MYO5B: variants seen among roughly 807,000 people sequenced by gnomAD.
MYO5B encodes unconventional myosin-Vb.
A neutral mutation model predicts 229.3 loss-of-function variants in MYO5B; 143 were observed. That is an observed-to-expected ratio of 0.62 (90% CI 0.54 to 0.72). The LOEUF is 0.72. Among genes scored for constraint, MYO5B ranks in the 30% least tolerant of loss-of-function variants. MYO5B has a pLI of 0.00. For missense variants in MYO5B, 2,321 were observed against 2,331.0 expected (o/e 1.00, Z 0.09); for synonymous variants, 918 against 885.2 (o/e 1.04, Z -0.66).
At chr18:49,847,536 C>T (rs553323510) in intron 32 of MYO5B, among the ~76,000 whole-genome samples, 1 of 152,336 alleles carries the variant, frequency 6.6e-6, no homozygotes, top group East Asian at 1.9e-4. Context: ...GCACTGGGGT[C>T]CACACTCTGG....
intron 35 of MYO5B, 30 bp downstream of exon 35, chr18:49,841,335 T>G: frequency 6.2e-7 from 1 of 1,600,370 alleles, no homozygotes. Context: ...GAAGCAGGAA[T>G]GCCTCCTGGG....
intron 14 of MYO5B, among the ~76,000 whole-genome samples, chr18:49,944,943 C>A (rs998134180): frequency 2.0e-5 from 3 of 152,188 alleles, no homozygotes; most frequent in Admixed American, 6.5e-5. Flanking sequence ...CAGTGCTTGT[C>A]AAGTCCAATG....
intron 39 of MYO5B, among the ~76,000 whole-genome samples, chr18:49,827,150 A>G (rs1293946005): frequency 2.0e-5 from 3 of 152,186 alleles, no homozygotes; most frequent in Non-Finnish European, 4.4e-5. Flanking sequence ...CAACTATCTC[A>G]TAACTCTGGA....
intron 1 of MYO5B, among the ~76,000 whole-genome samples, chr18:50,089,122 G>T (rs1157409208): frequency 6.6e-6 from 1 of 152,176 alleles, no homozygotes; most frequent in African/African-American, 2.4e-5. Flanking sequence ...GCTCACACCT[G>T]TAAGCCCAGC....
intron 1 of MYO5B, among the ~76,000 whole-genome samples, chr18:50,079,100 A>C (rs1411903468): frequency 6.6e-6 from 1 of 152,256 alleles, no homozygotes; most frequent in Non-Finnish European, 1.5e-5. Context: ...CACACAAAGG[A>C]AACTTCTGGG....
At chr18:49,928,129 G>GA (rs2025150264) in intron 17 of MYO5B, among the ~76,000 whole-genome samples, 1 of 152,098 alleles carries the variant, frequency 6.6e-6, no homozygotes, top group Admixed American at 6.5e-5. Context: ...ACAAACATGT[G>GA]AAAAAATGCT....
chr18:50,127,693 A>C (rs941861754), intron 1 of MYO5B, among the ~76,000 whole-genome samples: 3 of 152,174 alleles, frequency 2.0e-5, no homozygotes, highest in African/African-American at 7.2e-5. Flanking sequence ...GGGATGATCA[A>C]TTTTATGTGT....
intron 10 of MYO5B, among the ~76,000 whole-genome samples, chr18:49,966,093 T>G (rs1419534206): frequency 6.6e-6 from 1 of 152,016 alleles, no homozygotes; most frequent in African/African-American, 2.4e-5. Context: ...GGTGGAGAGA[T>G]AGCACCTGTG....
intron 39 of MYO5B, among the ~76,000 whole-genome samples, chr18:49,831,261 T>A (rs1015230205): frequency 1.3e-5 from 2 of 152,090 alleles, no homozygotes; most frequent in Non-Finnish European, 2.9e-5. Flanking sequence ...CAAAAAAATA[T>A]ACATAGATTG....
intron 2 of MYO5B, among the ~76,000 whole-genome samples, chr18:50,041,079 G>T (rs535733231): frequency 6.6e-6 from 1 of 152,276 alleles, no homozygotes; most frequent in African/African-American, 2.4e-5. Flanking sequence ...TAAACAGGAG[G>T]AACTTGGCTG....
intron 1 of MYO5B, among the ~76,000 whole-genome samples, chr18:50,065,774 C>G (rs1052636645): frequency 4.6e-5 from 7 of 152,106 alleles, no homozygotes; most frequent in African/African-American, 1.4e-4. Flanking sequence ...GACAGGGGAC[C>G]CAACCCACTG....
At chr18:50,058,193 G>A (rs1032361117) in intron 1 of MYO5B, among the ~76,000 whole-genome samples, 2 of 152,198 alleles carry the variant, frequency 1.3e-5, no homozygotes, top group African/African-American at 4.8e-5. Flanking sequence ...AAGGCCAGGT[G>A]CAGTGGCTCA....
intron 10 of MYO5B, among the ~76,000 whole-genome samples, chr18:49,970,645 G>A (rs2025681284): frequency 6.6e-6 from 1 of 152,206 alleles, no homozygotes; most frequent in African/African-American, 2.4e-5. Flanking sequence ...ATAGGAAAAA[G>A]TGGAGTGGCT....
intron 8 of MYO5B, among the ~76,000 whole-genome samples, chr18:49,983,015 A>G (rs191569565): frequency 6.6e-6 from 1 of 152,280 alleles, no homozygotes; most frequent in Admixed American, 6.5e-5. Flanking sequence ...ATAAATTCAG[A>G]GAAGAATGTA....
chr18:50,157,187 C>A (rs1208494038), intron 1 of MYO5B, among the ~76,000 whole-genome samples: 1 of 151,730 alleles, frequency 6.6e-6, no homozygotes, highest in Non-Finnish European at 1.5e-5. Context: ...CTCACTGCAA[C>A]CTCCACCTCC....
chr18:50,015,618 T>G (rs1457857551), intron 4 of MYO5B, among the ~76,000 whole-genome samples: 1 of 152,216 alleles, frequency 6.6e-6, no homozygotes, highest in Non-Finnish European at 1.5e-5. Context: ...GCAGCAGGTG[T>G]GCCCAGGGCA....
chr18:49,942,661 T>G (rs2025330130), intron 14 of MYO5B, among the ~76,000 whole-genome samples: 1 of 151,544 alleles, frequency 6.6e-6, no homozygotes, highest in African/African-American at 2.4e-5. Context: ...AAAACCACAA[T>G]GAGATACCAT....
chr18:49,928,846 T>A (rs1302590740), intron 17 of MYO5B, among the ~76,000 whole-genome samples: 3 of 152,198 alleles, frequency 2.0e-5, no homozygotes. Context: ...AGACCATTAT[T>A]CTAAGTGAAG....
chr18:50,088,108 C>T (rs897457192), intron 1 of MYO5B, among the ~76,000 whole-genome samples: 3 of 152,174 alleles, frequency 2.0e-5, no homozygotes, highest in Non-Finnish European at 4.4e-5. Flanking sequence ...ACCTGTGACA[C>T]ACAGCGGCAG....
Sources: gnomAD v4.1 joint callset for allele counts (sites outside exome capture counted in the v4.1 genomes callset) on GRCh38, gnomAD v4.1.1 for gene constraint, MANE v1.5 for transcripts, NCBI Gene and HGNC (gene_info 2026-07-23, HGNC 2026-07-21) for gene names.